Variants in ADGRB1 observed in about 807,000 individuals in gnomAD.
The protein encoded by ADGRB1 is adhesion G protein-coupled receptor B1.
Under a neutral mutation model 175.7 loss-of-function variants are expected in ADGRB1, and 36 were observed. That is an observed-to-expected ratio of 0.20 (90% CI 0.16 to 0.27). The LOEUF (loss-of-function observed/expected upper bound fraction) is 0.27, where lower values mean the gene tolerates loss of function less well. ADGRB1 is among the 10% of genes least tolerant of loss of function. The pLI is 1.00. For missense variants in ADGRB1, 1,731 were observed against 2,255.3 expected (o/e 0.77, Z 4.71); for synonymous variants, 1,054 against 979.4 (o/e 1.08, Z -1.42).
chr8:142,524,376 C>G, intron 23 of ADGRB1, 72 bp downstream of exon 23: 1 of 1,430,020 alleles, frequency 7.0e-7, no homozygotes, highest in Non-Finnish European at 9.4e-7. Context: ...GGCCTCGGTG[C>G]TGTCTCATGC....
At chr8:142,540,816 C>T (rs529345299) in intron 27 of ADGRB1, among the ~76,000 whole-genome samples, 39 of 150,036 alleles carry the variant, frequency 2.6e-4, no homozygotes, top group African/African-American at 8.4e-4. Context: ...TGGGTAGGGA[C>T]GAGGGAAGGG....
At chr8:142,534,804 C>T (rs1315049339) in intron 25 of ADGRB1, among the ~76,000 whole-genome samples, 4 of 152,228 alleles carry the variant, frequency 2.6e-5, no homozygotes, top group East Asian at 3.9e-4. Context: ...AGAAGCCGCT[C>T]ACCCTGGTGC....
chr8:142,522,257 GC>G, intron 21 of ADGRB1, 142 bp downstream of exon 21: 1 of 1,204,966 alleles, frequency 8.3e-7, no homozygotes, highest in African/African-American at 1.5e-5. Context: ...CCCCCTCTGG[GC>G]CCTCGTTCTT....
intron 2 of ADGRB1, among the ~76,000 whole-genome samples, chr8:142,466,827 GT>G (rs1229704835): frequency 6.6e-6 from 1 of 152,182 alleles, no homozygotes; most frequent in African/African-American, 2.4e-5. Flanking sequence ...ACACCTGGCC[GT>G]GCATCTTGGT....
At chr8:142,518,076 G>C in intron 18 of ADGRB1, 62 bp from the exon 19 acceptor site, 1 of 1,533,366 alleles carries the variant, frequency 6.5e-7, no homozygotes, top group Non-Finnish European at 9.0e-7. Context: ...CTCAGTCTTC[G>C]GGTCTGCCGA....
intron 26 of ADGRB1, 75 bp from the exon 27 acceptor site, chr8:142,539,299 G>A: frequency 6.8e-6 from 10 of 1,474,834 alleles, no homozygotes; most frequent in Admixed American, 4.0e-5. Context: ...TGGCCCTCCC[G>A]AGCGGTCTGT....
In ADGRB1 at chr8:142,542,401, C is replaced by G. The variant is rs376205068; in HGVS notation, c.4167C>G (p.Pro1389=). The change falls in exon 28 of 31, where the codon CCC becomes CCG. Residue 1389 remains proline (P), a synonymous_variant. Coordinates refer to ENST00000517894, the MANE Select transcript of ADGRB1 (RefSeq NM_001702.3). The surrounding 1 kb of genome is among the most constrained non-coding windows in gnomAD (Gnocchi z 6.3). ...HLSTAPEASL[P]ARSPPSRQPP... ...GCACGGCCCCCGAGGCCAGCCTCCC[C>G]GCCCGCAGCCCGCCCTCCCGCCAGC... The G allele has an allele frequency of 2.6e-6, 4 of 1,546,518 alleles. No homozygotes were observed. The South Asian group carries it at 4.8e-5, about 18-fold the overall frequency.
rs772612293 is a variant in ADGRB1 at position 142,542,283 on chromosome 8, C to T, written c.4049C>T (p.Thr1350Met). ...ALDTSYVILPTATATLRPKPK... is the reference protein window; with the variant it reads ...ALDTSYVILPMATATLRPKPK... ...GACACGAGCTACGTGATCCTGCCCA[C>T]GGCCACGGCCACGCTGCGGCCCAAG... The change falls in exon 28 of 31, where the codon ACG (threonine) becomes ATG (methionine). Residue 1350 changes from threonine to methionine, a missense_variant. Physicochemically the swap from Thr to Met is moderately conservative, Grantham distance 81 (BLOSUM62 -1). Transcript: ENST00000517894. This position sits in a 1 kb window ranked among gnomAD's most constrained non-coding sequence, Gnocchi z 6.3. 30 of 1,613,330 alleles carry T rather than the reference C, an allele frequency of 1.9e-5. No individual in the cohort carries two copies. Among genetic ancestry groups the T allele is most frequent in the Non-Finnish European group, 2.4e-5 (28 of 1,179,810 alleles).
At chr8:142,524,728 C>T (rs1844072394) in intron 23 of ADGRB1, among the ~76,000 whole-genome samples, 1 of 152,106 alleles carries the variant, frequency 6.6e-6, no homozygotes, top group Non-Finnish European at 1.5e-5. Flanking sequence ...GGCTGCTTGC[C>T]CCTTCGGGGG....
chr8:142,452,478 G>GC (rs1037164110), intron 1 of ADGRB1, among the ~76,000 whole-genome samples: 7 of 152,198 alleles, frequency 4.6e-5, no homozygotes, highest in Admixed American at 1.3e-4. Flanking sequence ...GCCCTCGGAG[G>GC]CCCTTCCCTC....
intron 13 of ADGRB1, among the ~76,000 whole-genome samples, chr8:142,487,925 G>C (rs1841764702): frequency 6.6e-6 from 1 of 152,222 alleles, no homozygotes; most frequent in Non-Finnish European, 1.5e-5. Context: ...AGGGGAGGCG[G>C]GATCAGCTCA....
chr8:142,464,160 T>G lies in ADGRB1; in HGVS notation c.-39T>G. On this transcript the variant is annotated 5_prime_UTR_variant, in exon 2 of 31. Transcript: ENST00000517894. The stretch of plus-strand genomic sequence containing the variant: ...TGTCAAGACCTGGTCCGCGCCTGCC[T>G]GCCCAGCCCGCGGAACCCCGGCGGC... The G allele has an allele frequency of 8.9e-7, 1 of 1,127,178 alleles. No homozygotes were observed. 69.8% of individuals were successfully genotyped at this position (1,127,178 alleles called of 1,614,324 possible). A position where few individuals can be genotyped will look rare whatever the true frequency, so the allele number is the denominator to read the frequency against.
chr8:142,544,278 G>A lies in ADGRB1; in HGVS notation c.4616G>A (p.Gly1539Glu), dbSNP rs376983014. 7 of 1,549,274 alleles carry A rather than the reference G, an allele frequency of 4.5e-6. No homozygotes were observed. The African/African-American group carries it at 9.6e-5, about 21-fold the overall frequency. ...TGGGAGAGCCTCCGGAAAGCCCACG[G>A]GACGCCCACGTGGGTGAAGAAGGAG... ...RPWESLRKAHGTPTWVKKELE... is the reference protein window; with the variant it reads ...RPWESLRKAHETPTWVKKELE... Residue 1539 changes from glycine (G) to glutamate (E), a missense_variant, in exon 31 of 31, where the codon GGG (glycine) becomes GAG (glutamate). Around this residue, in one of 8 missense-constraint regions of ADGRB1, gnomAD observed 394 missense variants for 410.2 expected, o/e 0.96. Coordinates refer to ENST00000517894, the MANE Select transcript of ADGRB1 (RefSeq NM_001702.3).
At chr8:142,519,784 T>C (rs1051599349) in intron 19 of ADGRB1, among the ~76,000 whole-genome samples, 1 of 148,072 alleles carries the variant, frequency 6.8e-6, no homozygotes, top group African/African-American at 2.5e-5. Context: ...GTGATGGTGA[T>C]GGTGGTAGTG....
chr8:142,539,297 C>T, intron 26 of ADGRB1, 77 bp from the exon 27 acceptor site: 1 of 1,467,556 alleles, frequency 6.8e-7, no homozygotes, highest in South Asian at 1.3e-5. Flanking sequence ...CGTGGCCCTC[C>T]CGAGCGGTCT....
chr8:142,471,319 G>C (rs1047645611), intron 2 of ADGRB1, among the ~76,000 whole-genome samples: 5 of 152,230 alleles, frequency 3.3e-5, no homozygotes, highest in African/African-American at 1.2e-4. Flanking sequence ...GGCTGCGAGA[G>C]AGGCTGAGAA....
At chr8:142,481,051 C>T (rs1211245665) in intron 9 of ADGRB1, among the ~76,000 whole-genome samples, 1 of 152,240 alleles carries the variant, frequency 6.6e-6, no homozygotes, top group Non-Finnish European at 1.5e-5. Context: ...GTCCTGAGTC[C>T]TTGGGGCAGG....
chr8:142,543,688 G>A lies in ADGRB1; in HGVS notation c.4537G>A (p.Val1513Met), dbSNP rs1333555222. The A allele has an allele frequency of 1.9e-6, 3 of 1,558,092 alleles. No individual in the cohort carries two copies. The African/African-American group carries it at 4.1e-5, about 21-fold the overall frequency. The change falls in exon 30 of 31, where the codon GTG becomes ATG. Residue 1513 changes from valine to methionine, a missense_variant. Transcript: ENST00000517894. The surrounding 1 kb of genome is among the most constrained non-coding windows in gnomAD (Gnocchi z 4.4). ...LQHAAEKDKE[V>M]LGPDSKPEKQ... Reference sequence around the variant, plus strand: ...GCACGCAGCGGAGAAGGACAAGGAGGTGCTGGGGCCGGACAGCAAGGTCTG... The same window carrying A: ...GCACGCAGCGGAGAAGGACAAGGAGATGCTGGGGCCGGACAGCAAGGTCTG...
In ADGRB1 at chr8:142,478,397, A is replaced by G. The variant is rs115254387; in HGVS notation, c.1561+37A>G. The G allele has an allele frequency of 2.0e-3, 3,101 of 1,546,314 alleles. 58 individuals carry two copies. In the African/African-American group the frequency reaches 0.037, roughly 18 times the overall value. ...GCCAGGCTGGGGTCGGGGGGCACCT[A>G]ACAAGCAGGAGCCTCTAGGAAGGGG... On this transcript the variant is annotated intron_variant, in intron 7 of 30. Transcript: ENST00000517894.
Sources: allele counts gnomAD v4.1 joint callset (sites outside exome capture counted in the v4.1 genomes callset), GRCh38; gene constraint gnomAD v4.1.1; regional missense constraint gnomAD v4.1.1; non-coding constraint Gnocchi (gnomAD v3.1); transcripts MANE v1.5; gene names NCBI Gene and HGNC (gene_info 2026-07-23, HGNC 2026-07-21).